NLGN1: variants seen among roughly 807,000 people sequenced by gnomAD.
NLGN1 encodes the protein neuroligin 1, also known as neuroligin-1.
A neutral mutation model predicts 65.5 loss-of-function variants in NLGN1; 12 were observed. The ratio of observed to expected loss-of-function variants is 0.18; its 90% CI spans 0.12 to 0.30. The LOEUF (loss-of-function observed/expected upper bound fraction) is 0.30. Ranked by LOEUF, NLGN1 falls within the 10% of genes least tolerant of loss-of-function variation. The pLI is 1.00. For missense variants in NLGN1, 750 were observed against 1,007.1 expected (o/e 0.74, Z 3.46); for synonymous variants, 350 against 359.5 (o/e 0.97, Z 0.30).
chr3:173,453,553 A>G (rs921788895), intron 2 of NLGN1, among the ~76,000 whole-genome samples: 2 of 152,068 alleles, frequency 1.3e-5, no homozygotes, highest in African/African-American at 4.8e-5. Context: ...GCTTTTATGT[A>G]TATTCTATAT....
chr3:174,249,437 AT>A (rs1172610532), intron 4 of NLGN1, among the ~76,000 whole-genome samples: 1 of 152,140 alleles, frequency 6.6e-6, no homozygotes, highest in Non-Finnish European at 1.5e-5. Context: ...TAAACAGGAG[AT>A]GCAAAGAATG....
chr3:173,812,611 T>TTCC (rs1399655927), intron 4 of NLGN1, among the ~76,000 whole-genome samples: 3 of 151,642 alleles, frequency 2.0e-5, no homozygotes, highest in Non-Finnish European at 4.4e-5. Context: ...CATGCTTGTA[T>TTCC]TCCGGGCTAC....
In NLGN1 at chr3:174,140,032, A is replaced by G. The variant is rs190304226; in HGVS notation, c.647-135283A>G. Reference sequence around the variant, plus strand: ...TGTGTCATTTGCAAATATTTCTCTCAGTCTGTGGCTTATCTTGTTCTTCTC... The same window carrying G: ...TGTGTCATTTGCAAATATTTCTCTCGGTCTGTGGCTTATCTTGTTCTTCTC... On this transcript the variant is annotated intron_variant, in intron 4 of 6. Transcript: ENST00000457714. Among the ~76,000 whole-genome samples the G allele has an allele frequency of 1.3e-5, 2 of 152,254 alleles. 1 individual carries two copies. The highest frequency in any genetic ancestry group is 1.3e-4 in the Admixed American group (2 of 15,296).
chr3:173,595,797 G>GA (rs1369744201), intron 2 of NLGN1, among the ~76,000 whole-genome samples: 2 of 152,202 alleles, frequency 1.3e-5, no homozygotes, highest in African/African-American at 4.8e-5. Context: ...GGTGGCAAGA[G>GA]AAAATGAGGA....
chr3:173,407,257 T>C (rs1718861817), intron 1 of NLGN1, among the ~76,000 whole-genome samples: 1 of 152,236 alleles, frequency 6.6e-6, no homozygotes, highest in African/African-American at 2.4e-5. Flanking sequence ...CATTTATTTC[T>C]AAAAACTTTA....
At chr3:173,531,088 T>G (rs524452) in intron 2 of NLGN1, among the ~76,000 whole-genome samples, 2,008 of 152,222 alleles carry the variant, frequency 0.013, 18 homozygotes, top group Non-Finnish European at 0.02. Flanking sequence ...TAGAAAAAAT[T>G]TATGGCTGTG....
At chr3:173,735,013 T>C (rs1401835300) in intron 3 of NLGN1, among the ~76,000 whole-genome samples, 1 of 152,080 alleles carries the variant, frequency 6.6e-6, no homozygotes, top group Admixed American at 6.6e-5. Flanking sequence ...GAATTAAACT[T>C]AATGCAGTAT....
intron 2 of NLGN1, among the ~76,000 whole-genome samples, chr3:173,495,529 G>A (rs981432296): frequency 6.6e-6 from 1 of 151,194 alleles, no homozygotes; most frequent in African/African-American, 2.4e-5. Context: ...TGAGTTGTGA[G>A]ACTATACATC....
intron 3 of NLGN1, among the ~76,000 whole-genome samples, chr3:173,665,568 A>G (rs1038543107): frequency 6.6e-6 from 1 of 152,172 alleles, no homozygotes. Context: ...GACAAGGTTT[A>G]CATAATTGAC....
At chr3:173,830,605 A>G (rs1425950931) in intron 4 of NLGN1, among the ~76,000 whole-genome samples, 2 of 152,214 alleles carry the variant, frequency 1.3e-5, no homozygotes, top group African/African-American at 2.4e-5. Context: ...AATCCAATCC[A>G]TACAATAAAT....
chr3:173,424,287 G>GC, intron 1 of NLGN1, among the ~76,000 whole-genome samples: 1 of 152,278 alleles, frequency 6.6e-6, no homozygotes, highest in South Asian at 2.1e-4. Flanking sequence ...TCTCTGACAT[G>GC]CCCTGGGGAC....
rs1300270669 is a variant in NLGN1, at chr3:174,261,006, G to A, written c.647-14309G>A. Among the ~76,000 whole-genome samples the A allele has an allele frequency of 4.4e-3, 675 of 151,980 alleles. 5 individuals carry two copies. Among genetic ancestry groups the A allele is most frequent in the African/African-American group, 0.015 (637 of 41,448 alleles). On this transcript the variant is annotated intron_variant, in intron 4 of 6. Transcript: ENST00000457714. The stretch of plus-strand genomic sequence containing the variant: ...GATCAGATAGTTGTAGATATGCGGT[G>A]TTATTTCTTAGGGCTCTGTTCTGTT...
chr3:173,547,368 A>G (rs140901671), intron 2 of NLGN1, among the ~76,000 whole-genome samples: 171 of 152,296 alleles, frequency 1.1e-3, no homozygotes, highest in African/African-American at 3.8e-3. Context: ...TAAAAAGGAA[A>G]TAGTTTCCAC....
intron 3 of NLGN1, among the ~76,000 whole-genome samples, chr3:173,686,755 C>A (rs1029545934): frequency 5.9e-5 from 9 of 152,042 alleles, no homozygotes; most frequent in Non-Finnish European, 1.3e-4. Flanking sequence ...GAGTTCAAGA[C>A]CAGCCTGGCC....
At chr3:174,094,070 G>A (rs186015261) in intron 4 of NLGN1, among the ~76,000 whole-genome samples, 377 of 152,114 alleles carry the variant, frequency 2.5e-3, no homozygotes, top group African/African-American at 5.2e-3. Flanking sequence ...TCTATATACC[G>A]TAGTGTGCTG....
intron 3 of NLGN1, among the ~76,000 whole-genome samples, chr3:173,793,990 G>T (rs144008649): frequency 3.6e-4 from 54 of 152,068 alleles, no homozygotes; most frequent in African/African-American, 1.3e-3. Context: ...CATCACCCAC[G>T]ACTCTCTTTT....
chr3:173,847,549 A>G (rs1726016311), intron 4 of NLGN1, among the ~76,000 whole-genome samples: 1 of 152,208 alleles, frequency 6.6e-6, no homozygotes, highest in East Asian at 1.9e-4. Flanking sequence ...GTATTCTATT[A>G]TTTTACACAC....
intron 4 of NLGN1, among the ~76,000 whole-genome samples, chr3:173,900,058 TCTC>T (rs1165579566): frequency 3.3e-5 from 5 of 151,962 alleles, no homozygotes; most frequent in African/African-American, 9.7e-5. Context: ...ATCTTCTGCT[TCTC>T]CTCACCAGAA....
intron 3 of NLGN1, among the ~76,000 whole-genome samples, chr3:173,745,412 T>G (rs1485127920): frequency 6.6e-6 from 1 of 152,184 alleles, no homozygotes; most frequent in Non-Finnish European, 1.5e-5. Context: ...AGCAATTTAC[T>G]AATTTAATTA....
Sources: gnomAD v4.1 joint callset for allele counts (sites outside exome capture counted in the v4.1 genomes callset) on GRCh38, gnomAD v4.1.1 for gene constraint, MANE v1.5 for transcripts, NCBI Gene and HGNC (gene_info 2026-07-23, HGNC 2026-07-21) for gene names.